Variants in ENGASE observed in about 807,000 individuals in gnomAD.
The protein encoded by ENGASE is cytosolic endo-beta-N-acetylglucosaminidase.
In ENGASE, 69 loss-of-function variants were observed where a neutral mutation model predicts 78.5. That is an observed-to-expected ratio of 0.88 (90% CI 0.72 to 1.07). The LOEUF is 1.07. ENGASE is among the 50% of genes least tolerant of loss of function. The pLI is 0.00. For synonymous variants in ENGASE, 408 were observed against 408.9 expected (o/e 1.00, Z 0.03); for missense variants, 943 against 988.4 (o/e 0.95, Z 0.62).
Position 79,082,338 on chromosome 17 carries a change from CT to C in ENGASE, c.1038+276del. 3.7e-6 allele frequency: 5 copies of C among 1,334,204 alleles called. No homozygotes were observed. In the South Asian group the frequency reaches 5.8e-5, roughly 16 times the overall value. 82.6% of individuals were successfully genotyped at this position (1,334,204 alleles called of 1,614,324 possible). A position where few individuals can be genotyped will look rare whatever the true frequency, so the allele number is the denominator to read the frequency against. ...CGCGTCGTTCCCCCGCTGTCCGGTC[CT>C]CGGCGGGCCTGGGCCTCCTGTCCCA... is the stretch of plus-strand genomic sequence containing the variant. On this transcript the variant is annotated intron_variant, in intron 7 of 13. Transcript: ENST00000579016.
Position 79,084,580 on chromosome 17 carries a change from G to A in ENGASE, c.1485G>A (p.Leu495=), listed in dbSNP as rs372115810. The A allele has an allele frequency of 1.7e-5, 28 of 1,604,984 alleles. No individual in the cohort carries two copies. In the African/African-American group the frequency reaches 1.9e-4, roughly 11 times the overall value. ...CCCCAGTGCCACCCAAGATTTACCT[G>A]TCCATGGTGTATAAGCTTGAGGGGC... ...LQAPVPPKIY[L]SMVYKLEGPT... The change falls in exon 11 of 14, where the codon CTG becomes CTA. Residue 495 remains leucine, a synonymous_variant. Transcript: ENST00000579016.
At chr17:79,080,739 G>A (rs1033269614) in intron 5 of ENGASE, among the ~76,000 whole-genome samples, 186 bp from the exon 6 acceptor site, 1 of 152,196 alleles carries the variant, frequency 6.6e-6, no homozygotes, top group African/African-American at 2.4e-5. Context: ...GCCGCAATAA[G>A]AAAGGACGGT....
At chr17:79,081,210 G>A in intron 6 of ENGASE, 137 bp downstream of exon 6, 1 of 1,176,572 alleles carries the variant, frequency 8.5e-7, no homozygotes, top group Non-Finnish European at 1.1e-6. Flanking sequence ...GGTAAAAAGA[G>A]GGAGAAGGTG....
Position 79,086,475 on chromosome 17 carries a change from G to A in ENGASE, c.*126G>A. 3.3e-6 allele frequency: 4 copies of A among 1,220,300 alleles called. No homozygotes were observed. The highest frequency in any genetic ancestry group is 4.4e-6 in the Non-Finnish European group (4 of 901,186). The allele number at this position is 1,220,300 out of a possible 1,614,324, so 75.6% of individuals were successfully genotyped here. ...AGCGAGGTCCCGGTCCCGGGGCTGG[G>A]GTGGGAGACCCCGGGCTGAGTGCTG... is the stretch of plus-strand genomic sequence containing the variant. On this transcript the variant is annotated 3_prime_UTR_variant, in exon 14 of 14. Coordinates refer to ENST00000579016, the MANE Select transcript of ENGASE (RefSeq NM_001042573.3).
Position 79,083,251 on chromosome 17 carries a change from A to G in ENGASE, c.1142+128A>G, listed in dbSNP as rs1224903252. ...GGGGGGGTGGTTAAGGGAGGATGAC[A>G]GGGGAGGAAGCCAGCACCCTGGCTG... On this transcript the variant is annotated intron_variant, in intron 8 of 13. Coordinates refer to ENST00000579016, the MANE Select transcript of ENGASE (RefSeq NM_001042573.3). This position sits in a 1 kb window ranked among gnomAD's most constrained non-coding sequence, Gnocchi z 4.9. The G allele has an allele frequency of 2.0e-5, 16 of 801,446 alleles. No homozygotes were observed. Among genetic ancestry groups the G allele is most frequent in the Non-Finnish European group, 3.2e-5 (16 of 504,606 alleles). The allele number at this position is 801,446 out of a possible 1,614,324, so 49.6% of individuals were successfully genotyped here.
rs377404114 is a variant in ENGASE at position 79,082,063 on chromosome 17, G to T, written c.1038G>T (p.Lys346Asn). Residue 346 changes from lysine (K) to asparagine (N), a missense_variant and splice_region_variant, in exon 7 of 14, where the codon AAG becomes AAT. Transcript: ENST00000579016. ...TCGGAGGCCGATTCGACACAGACAA[G>T]GTGGGTGGTGGCTTTCGTCCAAGGG... ...NVVGGRFDTDKSLELIRKHGF... is the reference protein window; with the variant it reads ...NVVGGRFDTDNSLELIRKHGF... The T allele has an allele frequency of 1.2e-6, 2 of 1,614,090 alleles. No individual in the cohort carries two copies. The highest frequency in any genetic ancestry group is 2.7e-5 in the African/African-American group (2 of 74,940).
rs144906829 is a variant in ENGASE at position 79,083,673 on chromosome 17, CGGT to C, written c.1252-81_1252-79del. On this transcript the variant is annotated intron_variant, in intron 9 of 13. Coordinates refer to ENST00000579016, the MANE Select transcript of ENGASE (RefSeq NM_001042573.3). This position sits in a 1 kb window ranked among gnomAD's most constrained non-coding sequence, Gnocchi z 4.9. The stretch of plus-strand genomic sequence containing the variant: ...GGAGCCTGGGACTTGCCAGCAGGCA[CGGT>C]GGTGGTCTTACCCTTCCCTGCCGCT... The C allele has an allele frequency of 0.013, 20,192 of 1,560,900 alleles. 1,908 individuals carry two copies. The African/African-American group carries it at 0.22, about 17-fold the overall frequency.
In ENGASE at chr17:79,087,611, G is replaced by C. The variant is rs1487883400; in HGVS notation, c.*1262G>C. On this transcript the variant is annotated 3_prime_UTR_variant, in exon 14 of 14. Transcript: ENST00000579016. ...CCTGAAGTCCCTCGCTTTTGGGGGG[G>C]GGGTCTCTCACCCCCAGGCCACATA... is the stretch of plus-strand genomic sequence containing the variant. The C allele has an allele frequency of 6.5e-6, 1 of 154,812 alleles. No homozygotes were observed. Among genetic ancestry groups the C allele is most frequent in the Non-Finnish European group, 1.4e-5 (1 of 69,636 alleles). The allele number at this position is 154,812 out of a possible 1,614,324, so 9.6% of individuals were successfully genotyped here. A position where few individuals can be genotyped will look rare whatever the true frequency, so the allele number is the denominator to read the frequency against.
At position 79,076,940 on chromosome 17, in the gene ENGASE, C is replaced by T. The variant is rs2072982572; in HGVS notation, c.147-490C>T. Among the ~76,000 whole-genome samples the T allele has an allele frequency of 2.0e-5, 3 of 152,006 alleles. No individual in the cohort carries two copies. In the South Asian group the frequency reaches 6.3e-4, roughly 32 times the overall value. On this transcript the variant is annotated intron_variant, in intron 1 of 13. Transcript: ENST00000579016. ...CAAGTTGGAGTGTAGTGGCACAGTCCCGGCTCACTGCAACCTTCGCCTCCC... is the reference window on the plus strand; with the variant it reads ...CAAGTTGGAGTGTAGTGGCACAGTCTCGGCTCACTGCAACCTTCGCCTCCC...
intron 12 of ENGASE, 115 bp downstream of exon 12, chr17:79,085,457 G>A: frequency 7.5e-7 from 1 of 1,340,552 alleles, no homozygotes; most frequent in South Asian, 1.4e-5. Context: ...GGGCAGCTCT[G>A]AGACAGAAGC....
In ENGASE at chr17:79,086,485, C is replaced by A; in HGVS notation, c.*136C>A. 1 of 1,121,788 alleles carries A rather than the reference C, an allele frequency of 8.9e-7. No individual in the cohort carries two copies. Among genetic ancestry groups the A allele is most frequent in the Non-Finnish European group, 1.2e-6 (1 of 813,168 alleles). 69.5% of individuals were successfully genotyped at this position (1,121,788 alleles called of 1,614,324 possible). A position where few individuals can be genotyped will look rare whatever the true frequency, so the allele number is the denominator to read the frequency against. On this transcript the variant is annotated 3_prime_UTR_variant, in exon 14 of 14. Coordinates refer to ENST00000579016, the MANE Select transcript of ENGASE (RefSeq NM_001042573.3). The stretch of plus-strand genomic sequence containing the variant: ...CGGTCCCGGGGCTGGGGTGGGAGAC[C>A]CCGGGCTGAGTGCTGTGGCTTTCTG...
At position 79,087,392 on chromosome 17, in the gene ENGASE, GTCT is replaced by G. The variant is rs886462806; in HGVS notation, c.*1046_*1048del. 4.2e-6 allele frequency: 1 copy of G among 240,360 alleles called. No homozygotes were observed. The highest frequency in any genetic ancestry group is 2.2e-5 in the African/African-American group (1 of 44,830). The allele number at this position is 240,360 out of a possible 1,614,324, so 14.9% of individuals were successfully genotyped here. On this transcript the variant is annotated 3_prime_UTR_variant, in exon 14 of 14. Coordinates refer to ENST00000579016, the MANE Select transcript of ENGASE (RefSeq NM_001042573.3). ...TGCGTGGGGGCGTGAGGGAGGCAGG[GTCT>G]TCACCACAGGCGCCTTCCTCTGTCC...
At chr17:79,075,564 A>G (rs909755256) in intron 1 of ENGASE, 23 of 383,368 alleles carry the variant, frequency 6.0e-5, no homozygotes, top group Non-Finnish European at 7.9e-5. Flanking sequence ...TAGGGTATCC[A>G]ACTGGCGGGG....
intron 1 of ENGASE, 92 bp downstream of exon 1, chr17:79,075,182 G>GGGT: frequency 8.5e-7 from 1 of 1,174,668 alleles, no homozygotes; most frequent in Non-Finnish European, 1.1e-6. Flanking sequence ...GCGCGCCGAG[G>GGGT]GGCGGGGGGC....
chr17:79,088,019 G>A lies in ENGASE; in HGVS notation c.*1670G>A, dbSNP rs2073378957. 1 of 152,402 alleles carries A rather than the reference G, an allele frequency of 6.6e-6. No homozygotes were observed. The highest frequency in any genetic ancestry group is 1.5e-5 in the Non-Finnish European group (1 of 68,172). 9.4% of individuals were successfully genotyped at this position (152,402 alleles called of 1,614,324 possible). A position where few individuals can be genotyped will look rare whatever the true frequency, so the allele number is the denominator to read the frequency against. On this transcript the variant is annotated 3_prime_UTR_variant, in exon 14 of 14. Transcript: ENST00000579016. ...TGAGTTTGCCAAGGATATGGGGCAGGAGGCTCCCTCTGCTGACCCCCTGCA... is the reference window on the plus strand; with the variant it reads ...TGAGTTTGCCAAGGATATGGGGCAGAAGGCTCCCTCTGCTGACCCCCTGCA...
intron 6 of ENGASE, 71 bp from the exon 7 acceptor site, chr17:79,081,827 C>A: frequency 6.5e-7 from 1 of 1,537,536 alleles, no homozygotes; most frequent in Non-Finnish European, 8.7e-7. Flanking sequence ...AAGGCTGAGA[C>A]TGCAGGGTTG....
At chr17:79,077,912 C>A in intron 3 of ENGASE, 48 bp downstream of exon 3, 3 of 835,358 alleles carry the variant, frequency 3.6e-6, no homozygotes, top group Non-Finnish European at 5.5e-6. Flanking sequence ...TTCTCCTTTG[C>A]TGGGGTGGGG....
chr17:79,081,848 C>T (rs1212148173), intron 6 of ENGASE, 50 bp from the exon 7 acceptor site: 2 of 1,566,310 alleles, frequency 1.3e-6, no homozygotes, highest in Non-Finnish European at 1.7e-6. Flanking sequence ...GTGGGGGTGG[C>T]CCCATCCTTC....
intron 10 of ENGASE, 122 bp from the exon 11 acceptor site, chr17:79,084,415 TG>T: frequency 2.1e-6 from 2 of 966,428 alleles, no homozygotes; most frequent in Non-Finnish European, 3.0e-6. Context: ...GACCACGATG[TG>T]GGAGCATTTG....
Sources: allele counts gnomAD v4.1 joint callset (sites outside exome capture counted in the v4.1 genomes callset), GRCh38; gene constraint gnomAD v4.1.1; non-coding constraint Gnocchi (gnomAD v3.1); transcripts MANE v1.5; gene names NCBI Gene and HGNC (gene_info 2026-07-23, HGNC 2026-07-21).